The following CHODL variants were observed in gnomAD, a reference collection of about 807,000 sequenced individuals.
The protein encoded by CHODL is chondrolectin.
CHODL carries 29 observed loss-of-function variants against 34.5 expected under a neutral mutation model. That is an observed-to-expected ratio of 0.84 (90% confidence interval 0.63 to 1.15). The LOEUF (loss-of-function observed/expected upper bound fraction) is 1.15. Ranked by LOEUF, CHODL falls within the 50% of genes most tolerant of loss-of-function variation. The pLI, the probability that CHODL is intolerant of heterozygous loss-of-function variation, is 0.00. For synonymous variants in CHODL, 125 were observed against 116.1 expected (o/e 1.08, Z -0.49); for missense variants, 332 against 332.5 (o/e 1.00, Z 0.01).
Position 17,999,282 on chromosome 21 carries a change from G to A in CHODL, c.-144-28590G>A, listed in dbSNP as rs142808097. Among the ~76,000 whole-genome samples the A allele has an allele frequency of 5.5e-3, 839 of 152,198 alleles. 6 individuals carry two copies. Among genetic ancestry groups the A allele is most frequent in the African/African-American group, 0.013 (554 of 41,522 alleles). On this transcript the variant is annotated intron_variant, in intron 1 of 6. Coordinates refer to the CHODL transcript ENST00000400127. ...GACCTTATTGTTCATATCACTTTCC[G>A]CATTTTTGTCAAAGCCATTCAGCAA...
intron 1 of CHODL, among the ~76,000 whole-genome samples, chr21:18,009,829 A>G (rs993973450): frequency 6.8e-6 from 1 of 148,134 alleles, no homozygotes; most frequent in African/African-American, 2.6e-5. Context: ...CGGAGCTTGC[A>G]GTGAGCTGAG....
chr21:18,204,528 G>A (rs1481769655), intron 2 of CHODL, among the ~76,000 whole-genome samples: 1 of 152,076 alleles, frequency 6.6e-6, no homozygotes, highest in African/African-American at 2.4e-5. Context: ...TTTCAAATGA[G>A]TACTGCAGTT....
At chr21:17,927,839 A>G (rs2824559) in intron 1 of CHODL, among the ~76,000 whole-genome samples, 8,319 of 152,280 alleles carry the variant, frequency 0.055, 585 homozygotes, top group African/African-American at 0.17. Flanking sequence ...ATAGTTGTTA[A>G]ATGAATAAAG....
chr21:17,965,191 G>C (rs1052220563), intron 1 of CHODL, among the ~76,000 whole-genome samples: 52 of 151,996 alleles, frequency 3.4e-4, no homozygotes, highest in African/African-American at 1.3e-3. Context: ...GTACACATCT[G>C]GTCTCCAGTT....
At chr21:17,981,229 C>T (rs144012135) in intron 1 of CHODL, among the ~76,000 whole-genome samples, 63 of 152,218 alleles carry the variant, frequency 4.1e-4, no homozygotes, top group African/African-American at 1.3e-3. Context: ...TAGGCTCTGA[C>T]GTGTAGGTGC....
At chr21:18,245,995 G>A (rs1343637871) in intron 1 of CHODL, 2 of 1,432,402 alleles carry the variant, frequency 1.4e-6, no homozygotes, top group South Asian at 1.2e-5. Context: ...AGTCGGTCGA[G>A]TCAGTGCATG....
chr21:18,085,559 ACAAATTCCTT>A, intron 2 of CHODL, among the ~76,000 whole-genome samples: 2 of 152,226 alleles, frequency 1.3e-5, no homozygotes, highest in East Asian at 3.9e-4. Context: ...TCTAGTGCTG[ACAAATTCCTT>A]CAGCATTTGT....
chr21:17,935,357 T>C (rs2063310817), intron 1 of CHODL, among the ~76,000 whole-genome samples: 1 of 152,222 alleles, frequency 6.6e-6, no homozygotes, highest in Non-Finnish European at 1.5e-5. Context: ...AGTTGGTAAG[T>C]GGTAGAGCCA....
chr21:18,136,610 A>AGT (rs1601053296), intron 2 of CHODL, among the ~76,000 whole-genome samples: 1 of 151,224 alleles, frequency 6.6e-6, no homozygotes, highest in African/African-American at 2.4e-5. Flanking sequence ...ATCCTGTGGG[A>AGT]GTGTGTGTGT....
intron 1 of CHODL, among the ~76,000 whole-genome samples, chr21:17,921,700 A>G (rs1422561509): frequency 6.6e-6 from 1 of 152,234 alleles, no homozygotes; most frequent in African/African-American, 2.4e-5. Flanking sequence ...CAGTTAGTAT[A>G]TCCTGACTGA....
At chr21:18,122,098 C>T (rs748208991) in intron 2 of CHODL, among the ~76,000 whole-genome samples, 6 of 152,104 alleles carry the variant, frequency 3.9e-5, no homozygotes, top group South Asian at 4.1e-4. Context: ...TTGCTTTAAT[C>T]TCTATTCATG....
In CHODL at chr21:18,244,876, T is replaced by C; in HGVS notation, c.-348T>C. On this transcript the variant is annotated 5_prime_UTR_variant, in exon 1 of 6. Coordinates refer to ENST00000299295, the MANE Select transcript of CHODL (RefSeq NM_024944.3). ...GACCAGGGCGCACCGGCTCAGCCTC[T>C]CACTTGTCAGAGGCCGGGGAAGAGA... is the stretch of plus-strand genomic sequence containing the variant. 1 of 250,286 alleles carries C rather than the reference T, an allele frequency of 4.0e-6. No homozygotes were observed. The highest frequency in any genetic ancestry group is 8.4e-5 in the East Asian group (1 of 11,858). 15.5% of individuals were successfully genotyped at this position (250,286 alleles called of 1,614,324 possible).
At chr21:18,180,872 A>T (rs749933557) in intron 2 of CHODL, among the ~76,000 whole-genome samples, 2 of 152,218 alleles carry the variant, frequency 1.3e-5, no homozygotes, top group Non-Finnish European at 2.9e-5. Flanking sequence ...AACTTTTTGA[A>T]CTTCAATTTC....
At chr21:18,189,134 CT>C (rs1258530766) in intron 2 of CHODL, among the ~76,000 whole-genome samples, 3 of 152,082 alleles carry the variant, frequency 2.0e-5, no homozygotes, top group Non-Finnish European at 4.4e-5. Context: ...TTCTCTCTCT[CT>C]TTTTTGTTTA....
chr21:18,052,212 T>C (rs768327254), intron 2 of CHODL, among the ~76,000 whole-genome samples: 6 of 151,982 alleles, frequency 3.9e-5, no homozygotes, highest in Non-Finnish European at 8.8e-5. Flanking sequence ...ATTAGGACAG[T>C]GATAAACAGC....
chr21:17,924,757 AAATT>A (rs2063210133), intron 1 of CHODL, among the ~76,000 whole-genome samples: 1 of 152,236 alleles, frequency 6.6e-6, no homozygotes, highest in South Asian at 2.1e-4. Flanking sequence ...TTCAGGGTAG[AAATT>A]AATAAGTCTA....
chr21:18,093,512 G>T (rs540102473), intron 2 of CHODL, among the ~76,000 whole-genome samples: 2 of 152,090 alleles, frequency 1.3e-5, no homozygotes, highest in Admixed American at 1.3e-4. Context: ...CAATCAAAAA[G>T]AATAACTACA....
At chr21:17,970,954 A>G (rs748926254) in intron 1 of CHODL, among the ~76,000 whole-genome samples, 13 of 152,004 alleles carry the variant, frequency 8.6e-5, no homozygotes, top group African/African-American at 1.9e-4. Context: ...TCATTGTTCA[A>G]TTCCCACTTA....
At chr21:18,150,742 A>G (rs966251598) in intron 2 of CHODL, among the ~76,000 whole-genome samples, 17 of 152,112 alleles carry the variant, frequency 1.1e-4, no homozygotes, top group Non-Finnish European at 2.1e-4. Context: ...AGAAACTAAA[A>G]ATGTATTCTA....
Sources: allele counts gnomAD v4.1 joint callset (sites outside exome capture counted in the v4.1 genomes callset), GRCh38; gene constraint gnomAD v4.1.1; transcripts MANE v1.5; gene names NCBI Gene and HGNC (gene_info 2026-07-23, HGNC 2026-07-21).